The following PSMG4 variants were observed in gnomAD, a reference collection of about 807,000 sequenced individuals.
PSMG4 encodes proteasome assembly chaperone 4.
In PSMG4, 10 loss-of-function variants were observed where a neutral mutation model predicts 11.0. The ratio of observed to expected loss-of-function variants is 0.91; its 90% CI spans 0.56 to 1.54. PSMG4 has a LOEUF of 1.54. Among genes scored for constraint, PSMG4 ranks in the 40% most tolerant of loss-of-function variants. The pLI is 0.00. For missense variants in PSMG4, 198 were observed against 160.9 expected, an observed-to-expected ratio of 1.23 and a Z score of -1.25; for synonymous variants, 95 against 71.3, an observed-to-expected ratio of 1.33 and a Z score of -1.68.
At chr6:3,258,077 TCTTTTACC>T (rs2127255021), upstream of PSMG4, among the ~76,000 whole-genome samples, 1 of 21,778 alleles carries the variant, frequency 4.6e-5, no homozygotes, top group African/African-American at 5.8e-5. Context: ...TGGGCTGTTT[TCTTTTACC>T]ACCTTCTCTC....
chr6:3,264,499 G>A (rs1254678016), intron 2 of PSMG4: 1 of 1,271,636 alleles, frequency 7.9e-7, no homozygotes. Flanking sequence ...AGGAACCTCT[G>A]TGTCAGTCAC....
intron 1 of PSMG4, among the ~76,000 whole-genome samples, chr6:3,260,291 A>ATATATTTTTT: frequency 1.4e-3 from 97 of 70,858 alleles, no homozygotes; most frequent in East Asian, 5.0e-3. Context: ...ATATATATAT[A>ATATATTTTTT]TTTTTTTTTT....
chr6:3,264,174 G>A, intron 2 of PSMG4: 1 of 1,550,718 alleles, frequency 6.4e-7, no homozygotes, highest in Non-Finnish European at 8.7e-7. Flanking sequence ...CTCTGTGCAG[G>A]AAGGACTGTC....
chr6:3,267,380 A>AG, intron 2 of PSMG4: 2 of 397,400 alleles, frequency 5.0e-6, no homozygotes, highest in Non-Finnish European at 9.0e-6. Context: ...GCCCTTCAGA[A>AG]CCCTGGGTCT....
rs1758248072 is a variant in PSMG4 at position 3,267,625 on chromosome 6, T to A, written c.285T>A (p.Tyr95Ter). The change falls in exon 3 of 3, where the codon TAT becomes TAA. Residue 95 changes from tyrosine (Y) to a stop codon, truncating the protein, a stop_gained. Coordinates refer to ENST00000438998, the MANE Select transcript of PSMG4 (RefSeq NM_001128591.2). LOFTEE classifies it high-confidence loss of function. ...CCAACAAACAGGTGTTTGTCAGCTA[T>A]AACCTTCAGAACACAGACAGTAACT... ...RKTNKQVFVS[Y>*]NLQNTDSNFA... The A allele has an allele frequency of 6.4e-7, 1 of 1,552,018 alleles. No individual in the cohort carries two copies. The highest frequency in any genetic ancestry group is 8.7e-7 in the Non-Finnish European group (1 of 1,147,030).
At chr6:3,260,291 A>ATATATATATATTTTTTT in intron 1 of PSMG4, among the ~76,000 whole-genome samples, 2 of 70,842 alleles carry the variant, frequency 2.8e-5, no homozygotes, top group African/African-American at 1.1e-4. Context: ...ATATATATAT[A>ATATATATATATTTTTTT]TTTTTTTTTT....
chr6:3,257,618 T>C (rs1177245379), upstream of PSMG4, among the ~76,000 whole-genome samples: 1 of 152,062 alleles, frequency 6.6e-6, no homozygotes, highest in Non-Finnish European at 1.5e-5. Flanking sequence ...AAGATAATTA[T>C]GATGAAGGAA....
At chr6:3,264,058 C>T (rs2127262583) in intron 2 of PSMG4, 1 of 1,439,822 alleles carries the variant, frequency 6.9e-7, no homozygotes, top group Non-Finnish European at 9.2e-7. Flanking sequence ...ATCACCACCT[C>T]CTGGGAGGAG....
At chr6:3,259,727 C>T (rs1165784312) in intron 1 of PSMG4, among the ~76,000 whole-genome samples, 1 of 152,210 alleles carries the variant, frequency 6.6e-6, no homozygotes, top group Non-Finnish European at 1.5e-5. Context: ...TCACACTCCA[C>T]GTGCTGAGTC....
chr6:3,254,743 C>T (rs544013913), upstream of PSMG4, among the ~76,000 whole-genome samples: 28 of 152,120 alleles, frequency 1.8e-4, no homozygotes, highest in East Asian at 5.9e-4. Flanking sequence ...TCCCCCTGTG[C>T]CTCTTTTAAA....
chr6:3,267,752 T>C lies in PSMG4; in HGVS notation c.*40T>C, dbSNP rs1345814491. 3.3e-6 allele frequency: 5 copies of C among 1,535,616 alleles called. No homozygotes were observed. The South Asian group carries it at 3.6e-5, about 11-fold the overall frequency. On this transcript the variant is annotated 3_prime_UTR_variant, in exon 3 of 3. Coordinates refer to ENST00000438998, the MANE Select transcript of PSMG4 (RefSeq NM_001128591.2). ...TGAGAATTTGTAAACTTATGTACAA[T>C]GTACGTGTAAATAAATGGATTGAAT...
At chr6:3,256,932 G>A (rs1395832043), upstream of PSMG4, among the ~76,000 whole-genome samples, 1 of 140,960 alleles carries the variant, frequency 7.1e-6, no homozygotes, top group East Asian at 2.1e-4. Flanking sequence ...CAGGCTCTTT[G>A]GAGACGCATC....
Position 3,263,734 on chromosome 6 carries a change from C to T in PSMG4, c.225C>T (p.Thr75=). ...TCCTTGGAGACACTTCCGACACGAC[C>T]TCTACTGGCCTTGCCCAGCGCCTAG... ...TSLLGDTSDT[T]STGLAQRLAR... Residue 75 remains threonine, a synonymous_variant, in exon 2 of 3, where the codon ACC becomes ACT. Transcript: ENST00000438998. 1 of 1,551,306 alleles carries T rather than the reference C, an allele frequency of 6.4e-7. No homozygotes were observed. Among genetic ancestry groups the T allele is most frequent in the Non-Finnish European group, 8.7e-7 (1 of 1,146,800 alleles).
At chr6:3,262,986 G>A (rs531907445) in intron 1 of PSMG4, among the ~76,000 whole-genome samples, 2 of 152,178 alleles carry the variant, frequency 1.3e-5, no homozygotes, top group Admixed American at 6.5e-5. Flanking sequence ...AATGGTGAGA[G>A]ATTACTCCCA....
intron 1 of PSMG4, among the ~76,000 whole-genome samples, chr6:3,262,308 A>C (rs4421241): frequency 6.6e-6 from 1 of 152,000 alleles, no homozygotes; most frequent in Non-Finnish European, 1.5e-5. Flanking sequence ...CTTTACATTT[A>C]ACTTTTGGTA....
rs4632936 is a variant in PSMG4 at position 3,268,008 on chromosome 6, G to A, written c.*296G>A. ...AAGAGTTTCAATCAGACATGACTGT[G>A]ACGTGCATCCTCAATTAGAATTAAA... On this transcript the variant is annotated 3_prime_UTR_variant, in exon 3 of 3. Coordinates refer to ENST00000438998, the MANE Select transcript of PSMG4 (RefSeq NM_001128591.2). 0.86 allele frequency: 220,367 copies of A among 257,344 alleles called. 94,730 individuals are homozygous for A. The highest frequency in any genetic ancestry group is 0.87 in the Non-Finnish European group (114,915 of 131,472). 15.9% of individuals were successfully genotyped at this position (257,344 alleles called of 1,614,324 possible).
At chr6:3,260,200 C>T (rs113415223) in intron 1 of PSMG4, among the ~76,000 whole-genome samples, 2 of 69,406 alleles carry the variant, frequency 2.9e-5, no homozygotes, top group Non-Finnish European at 4.7e-5. Flanking sequence ...CCTCAGTGAG[C>T]CCGACTCTTC....
chr6:3,259,819 C>T (rs1001807840), intron 1 of PSMG4, among the ~76,000 whole-genome samples: 12 of 152,318 alleles, frequency 7.9e-5, no homozygotes, highest in Middle Eastern at 3.4e-3. Flanking sequence ...AAGCCTGGGA[C>T]ATTATCATTT....
At chr6:3,255,545 C>T (rs1290648609), upstream of PSMG4, among the ~76,000 whole-genome samples, 2 of 152,308 alleles carry the variant, frequency 1.3e-5, no homozygotes, top group South Asian at 2.1e-4. Flanking sequence ...TAGACTCCAA[C>T]CTTGGGCTGC....
Sources: gnomAD v4.1 joint callset for allele counts (sites outside exome capture counted in the v4.1 genomes callset) on GRCh38, gnomAD v4.1.1 for gene constraint, MANE v1.5 for transcripts, NCBI Gene and HGNC (gene_info 2026-07-23, HGNC 2026-07-21) for gene names.